The following GRID1 variants were observed in gnomAD, a reference collection of about 807,000 sequenced individuals.
The protein encoded by GRID1 is glutamate ionotropic receptor delta type subunit 1, also known as glutamate receptor ionotropic, delta-1.
GRID1 carries 28 observed loss-of-function variants against 98.0 expected under a neutral mutation model. The observed-to-expected ratio is 0.29, with a 90% CI of 0.21 to 0.39. GRID1 has a LOEUF of 0.39. GRID1 is among the 10% of genes least tolerant of loss of function. The pLI is 1.00. For synonymous variants in GRID1, 553 were observed against 538.5 expected (o/e 1.03, Z -0.37); for missense variants, 1,111 against 1,340.5 (o/e 0.83, Z 2.67).
In GRID1 at chr10:85,893,384, C is replaced by T. The variant is rs1481608685; in HGVS notation, c.780+22802G>A. On this transcript the variant is annotated intron_variant, in intron 5 of 15. Coordinates refer to ENST00000327946, the MANE Select transcript of GRID1 (RefSeq NM_017551.3). The stretch of plus-strand genomic sequence containing the variant: ...ATTGTGCTGGAGGTTCTAGTCAGGG[C>T]ACCAGGGCTAGAAAAATAAGTGAGA... Among the ~76,000 whole-genome samples, 7 of 152,194 alleles carry T rather than the reference C, an allele frequency of 4.6e-5. No homozygotes were observed. The East Asian group carries it at 1.3e-3, about 29-fold the overall frequency.
At chr10:85,758,457 T>C (rs767957377) in intron 8 of GRID1, among the ~76,000 whole-genome samples, 1 of 152,148 alleles carries the variant, frequency 6.6e-6, no homozygotes, top group East Asian at 1.9e-4. Flanking sequence ...AGGGTAATTG[T>C]TGAGGCCTCA....
intron 13 of GRID1, among the ~76,000 whole-genome samples, chr10:85,622,493 A>G (rs146319790): frequency 7.8e-4 from 118 of 152,228 alleles, no homozygotes; most frequent in African/African-American, 2.6e-3. Flanking sequence ...GTCCTTCTTC[A>G]GCATCTTGAG....
At chr10:85,736,069 GGAAGGAAGGAGA>G (rs1428751032) in intron 8 of GRID1, among the ~76,000 whole-genome samples, 1 of 120,302 alleles carries the variant, frequency 8.3e-6, no homozygotes, top group African/African-American at 3.5e-5. Context: ...AAGGAGAGAG[GGAAGGAAGGAGA>G]GAAGGAAGGA....
rs1454461334 is a variant in GRID1, at chr10:85,916,563, T to C, written c.727-324A>G. Among the ~76,000 whole-genome samples the C allele has an allele frequency of 6.6e-6, 1 of 152,144 alleles. No individual in the cohort carries two copies. Among genetic ancestry groups the C allele is most frequent in the Non-Finnish European group, 1.5e-5 (1 of 68,020 alleles). ...TTCCCTAGGAATGCCTGCAAACACC[T>C]TTCTGCAGGGGCGCTTAGGGGATGA... is the stretch of plus-strand genomic sequence containing the variant. On this transcript the variant is annotated intron_variant, in intron 4 of 15. Transcript: ENST00000327946. This position sits in a 1 kb window ranked among gnomAD's most constrained non-coding sequence, Gnocchi z 4.0.
At chr10:85,827,911 G>C (rs975422218) in intron 8 of GRID1, among the ~76,000 whole-genome samples, 4 of 152,102 alleles carry the variant, frequency 2.6e-5, no homozygotes, top group African/African-American at 4.8e-5. Flanking sequence ...TTCAGGACTT[G>C]AACTTGGCAC....
chr10:85,689,444 T>TA (rs1199761072), intron 12 of GRID1, among the ~76,000 whole-genome samples: 2 of 96,264 alleles, frequency 2.1e-5, no homozygotes, highest in African/African-American at 8.8e-5. Context: ...AACAAAGAAA[T>TA]GGAAAAAAAA....
In GRID1 at chr10:86,342,151, G is replaced by C. The variant is rs79001005; in HGVS notation, c.235+21790C>G. On this transcript the variant is annotated intron_variant, in intron 2 of 15. Transcript: ENST00000327946. ...CACACTGTTGAAGGACCCTCAGTCA[G>C]TGGGGGCTCCAAACCAAGTGCCCCA... Among the ~76,000 whole-genome samples, 525 of 152,308 alleles carry C rather than the reference G, an allele frequency of 3.4e-3. 2 individuals are homozygous for C. The highest frequency in any genetic ancestry group is 0.012 in the African/African-American group (504 of 41,584).
chr10:85,810,708 T>G (rs1386653068), intron 8 of GRID1, among the ~76,000 whole-genome samples: 2 of 151,946 alleles, frequency 1.3e-5, no homozygotes, highest in Non-Finnish European at 2.9e-5. Context: ...ATCATCATAT[T>G]CCCCATCAGA....
chr10:85,898,058 C>T (rs1841319496), intron 5 of GRID1, among the ~76,000 whole-genome samples: 1 of 152,112 alleles, frequency 6.6e-6, no homozygotes, highest in African/African-American at 2.4e-5. Flanking sequence ...TTACACAGAC[C>T]TAGATGGAAC....
chr10:85,834,206 A>T (rs1021763389), intron 8 of GRID1, among the ~76,000 whole-genome samples: 3 of 152,192 alleles, frequency 2.0e-5, no homozygotes, highest in African/African-American at 4.8e-5. Flanking sequence ...TGAAAACTAA[A>T]TTTTTTAAAA....
chr10:85,910,142 G>GT (rs1841517308), intron 5 of GRID1, among the ~76,000 whole-genome samples: 1 of 152,114 alleles, frequency 6.6e-6, no homozygotes, highest in Non-Finnish European at 1.5e-5. Context: ...TATGACAAAC[G>GT]TAATTGTTTT....
chr10:85,987,942 C>G (rs565543059), intron 4 of GRID1, among the ~76,000 whole-genome samples: 1 of 152,270 alleles, frequency 6.6e-6, no homozygotes, highest in Admixed American at 6.5e-5. Context: ...TAGCTGAAAA[C>G]TCCATGAAAG....
intron 8 of GRID1, among the ~76,000 whole-genome samples, chr10:85,806,408 G>A (rs539590002): frequency 6.6e-6 from 1 of 152,226 alleles, no homozygotes; most frequent in South Asian, 2.1e-4. Context: ...CAATTTCTTA[G>A]ACTGTGTTCT....
At chr10:86,114,111 T>C (rs1264266692) in intron 4 of GRID1, among the ~76,000 whole-genome samples, 1 of 151,916 alleles carries the variant, frequency 6.6e-6, no homozygotes, top group African/African-American at 2.4e-5. Flanking sequence ...GGGTGGGGCC[T>C]CATTCCCCAG....
At chr10:85,605,372 A>G (rs1314585005) in intron 15 of GRID1, 2 of 152,226 alleles carry the variant, frequency 1.3e-5, no homozygotes, top group African/African-American at 4.8e-5. Context: ...GTTTAATAAG[A>G]TAACCTTCTC....
At position 85,599,800 on chromosome 10, in the gene GRID1, A is replaced by T. The variant is rs866499764; in HGVS notation, c.*2473T>A. 189 of 46,364 alleles carry T rather than the reference A, an allele frequency of 4.1e-3. 2 individuals are homozygous for T. Among genetic ancestry groups the T allele is most frequent in the East Asian group, 0.038 (85 of 2,220 alleles). 2.9% of individuals were successfully genotyped at this position (46,364 alleles called of 1,614,324 possible). On this transcript the variant is annotated 3_prime_UTR_variant, in exon 16 of 16. Coordinates refer to ENST00000327946, the MANE Select transcript of GRID1 (RefSeq NM_017551.3). ...GGGTAGAAAATTCTAAAAAAAAAAA[A>T]AAATATATATATATATATATAAACA...
intron 4 of GRID1, among the ~76,000 whole-genome samples, chr10:86,118,521 GAA>G (rs2131957257): frequency 6.6e-6 from 1 of 152,172 alleles, no homozygotes; most frequent in Admixed American, 6.5e-5. Flanking sequence ...AATAAAAAAA[GAA>G]TATCCCATGC....
chr10:86,276,679 G>A (rs897756462), intron 2 of GRID1, among the ~76,000 whole-genome samples: 5 of 151,784 alleles, frequency 3.3e-5, no homozygotes, highest in East Asian at 1.9e-4. Context: ...TAGTAGAGAC[G>A]GGGTTTCACC....
rs547468359 is a variant in GRID1, at chr10:85,875,011, G to A, written c.781-5831C>T. 2.5e-4 allele frequency among the ~76,000 whole-genome samples: 38 copies of A among 152,064 alleles called. No homozygotes were observed. The South Asian group carries it at 3.3e-3, about 13-fold the overall frequency. ...CTCCTGAGTAGCTGGGACTACAGTC[G>A]CATGCCACTACGCCTGGCTATTTTT... is the stretch of plus-strand genomic sequence containing the variant. On this transcript the variant is annotated intron_variant, in intron 5 of 15. Transcript: ENST00000327946.
Sources: allele counts gnomAD v4.1 joint callset (sites outside exome capture counted in the v4.1 genomes callset), GRCh38; gene constraint gnomAD v4.1.1; non-coding constraint Gnocchi (gnomAD v3.1); transcripts MANE v1.5; gene names NCBI Gene and HGNC (gene_info 2026-07-23, HGNC 2026-07-21).